Variants in PTPRD observed in about 807,000 individuals in gnomAD.
PTPRD encodes the protein receptor-type tyrosine-protein phosphatase delta.
PTPRD carries 34 observed loss-of-function variants against 214.5 expected under a neutral mutation model. The ratio of observed to expected loss-of-function variants is 0.16; its 90% confidence interval spans 0.12 to 0.21. The LOEUF (loss-of-function observed/expected upper bound fraction) is 0.21. Ranked by LOEUF, PTPRD falls within the 10% of genes least tolerant of loss-of-function variation. The pLI, the probability that PTPRD is intolerant of heterozygous loss-of-function variation, is 1.00. For missense variants in PTPRD, 2,545 were observed against 2,398.7 expected, an observed-to-expected ratio of 1.06 and a Z score of -1.27; for synonymous variants, 1,128 against 845.7, an observed-to-expected ratio of 1.33 and a Z score of -5.79.
intron 4 of PTPRD, among the ~76,000 whole-genome samples, chr9:9,972,597 A>G (rs1299266642): frequency 6.6e-6 from 1 of 152,242 alleles, no homozygotes; most frequent in Non-Finnish European, 1.5e-5. Flanking sequence ...GTAGCTTGAA[A>G]GAACACAAAT....
chr9:9,613,714 C>T (rs1412018116), intron 7 of PTPRD, among the ~76,000 whole-genome samples: 1 of 152,144 alleles, frequency 6.6e-6, no homozygotes, highest in East Asian at 1.9e-4. Flanking sequence ...GTAGCATGGG[C>T]ACCAAGTGAC....
chr9:8,324,957 C>A (rs1587529869), intron 44 of PTPRD, among the ~76,000 whole-genome samples: 1 of 151,650 alleles, frequency 6.6e-6, no homozygotes, highest in African/African-American at 2.4e-5. Context: ...TGTTGTTTTC[C>A]TGTAAATTTG....
At chr9:8,931,355 G>T (rs1449206058) in intron 11 of PTPRD, among the ~76,000 whole-genome samples, 1 of 151,980 alleles carries the variant, frequency 6.6e-6, no homozygotes. Flanking sequence ...TGCTGTTTTG[G>T]TTTCTCTAGC....
chr9:10,303,543 A>C (rs1040720684), intron 3 of PTPRD, among the ~76,000 whole-genome samples: 1 of 152,178 alleles, frequency 6.6e-6, no homozygotes. Flanking sequence ...AAAAGAGAGA[A>C]GGATCAAATA....
chr9:9,808,792 T>C (rs924288974), intron 5 of PTPRD, among the ~76,000 whole-genome samples: 1 of 152,110 alleles, frequency 6.6e-6, no homozygotes, highest in Non-Finnish European at 1.5e-5. Context: ...TTAATTTAGA[T>C]ACTGGGTCTT....
chr9:8,392,177 G>C (rs752837870), intron 36 of PTPRD, among the ~76,000 whole-genome samples: 22 of 151,968 alleles, frequency 1.4e-4, no homozygotes, highest in Non-Finnish European at 2.8e-4. Context: ...TTGAGCCCAG[G>C]AGTCTGAGCC....
intron 8 of PTPRD, among the ~76,000 whole-genome samples, chr9:9,566,080 C>G (rs1038864445): frequency 7.9e-5 from 12 of 151,490 alleles, no homozygotes; most frequent in African/African-American, 2.7e-4. Context: ...CTTTTTTATT[C>G]CTGCACATTT....
At chr9:8,642,629 G>C (rs1238577194) in intron 12 of PTPRD, among the ~76,000 whole-genome samples, 1 of 152,090 alleles carries the variant, frequency 6.6e-6, no homozygotes. Context: ...TTGGGGTCTG[G>C]TGGGAAATGC....
intron 33 of PTPRD, among the ~76,000 whole-genome samples, chr9:8,450,320 G>A (rs964613383): frequency 6.6e-6 from 1 of 152,044 alleles, no homozygotes; most frequent in African/African-American, 2.4e-5. Flanking sequence ...AGTAGATGCC[G>A]TAGATTTTCC....
intron 3 of PTPRD, among the ~76,000 whole-genome samples, chr9:10,091,921 T>G (rs780638605): frequency 1.3e-5 from 2 of 151,360 alleles, no homozygotes; most frequent in Admixed American, 6.6e-5. Context: ...AAAGGACGAC[T>G]CCAGATGACC....
At chr9:9,029,797 G>T (rs546109005) in intron 10 of PTPRD, among the ~76,000 whole-genome samples, 2 of 151,988 alleles carry the variant, frequency 1.3e-5, no homozygotes, top group East Asian at 1.9e-4. Context: ...ATATAATGGT[G>T]GGACATCCAG....
At chr9:10,231,782 A>T (rs1388559553) in intron 3 of PTPRD, among the ~76,000 whole-genome samples, 1 of 151,838 alleles carries the variant, frequency 6.6e-6, no homozygotes, top group Non-Finnish European at 1.5e-5. Context: ...TCCCCACCAA[A>T]GCTCATGTTT....
intron 2 of PTPRD, among the ~76,000 whole-genome samples, chr9:10,459,427 T>G (rs745514126): frequency 2.6e-5 from 4 of 152,168 alleles, no homozygotes; most frequent in Non-Finnish European, 4.4e-5. Flanking sequence ...GTAATGGGAT[T>G]GCTGGGTCAA....
intron 8 of PTPRD, among the ~76,000 whole-genome samples, chr9:9,502,154 C>T (rs1056348049): frequency 2.6e-5 from 4 of 151,774 alleles, no homozygotes; most frequent in Non-Finnish European, 4.4e-5. Flanking sequence ...ATCCTTTTAG[C>T]ATATTTTTAT....
At chr9:9,757,651 G>A (rs185313256) in intron 6 of PTPRD, among the ~76,000 whole-genome samples, 3 of 152,110 alleles carry the variant, frequency 2.0e-5, no homozygotes, top group Non-Finnish European at 2.9e-5. Context: ...TTCATAGAAA[G>A]GATGTGGGGT....
intron 3 of PTPRD, among the ~76,000 whole-genome samples, chr9:10,104,356 A>T (rs1378909706): frequency 1.3e-5 from 2 of 151,796 alleles, no homozygotes; most frequent in Non-Finnish European, 2.9e-5. Context: ...AATTAAAAAA[A>T]GAATTTAATG....
chr9:8,331,705 T>C lies in PTPRD; in HGVS notation c.5411A>G (p.Gln1804Arg). 6.2e-7 allele frequency: 1 copy of C among 1,613,204 alleles called. No individual in the cohort carries two copies. Among genetic ancestry groups the C allele is most frequent in the Non-Finnish European group, 8.5e-7 (1 of 1,179,614 alleles). The change falls in exon 44 of 46, where the codon CAG (glutamine) becomes CGG (arginine). Residue 1804 changes from glutamine (Q) to arginine (R), a missense_variant. By Grantham distance (43) the Gln-to-Arg change is conservative (BLOSUM62 1). Coordinates refer to ENST00000381196, the MANE Select transcript of PTPRD (RefSeq NM_002839.4). ...TCCTTGCTCTGGCCAGTCAGTGAAC[T>C]GGAACTGCCTTACTGTTCGGGACTG... Reference protein sequence around the residue: ...DGQSRTVRQFQFTDWPEQGVP... With the variant: ...DGQSRTVRQFRFTDWPEQGVP...
intron 5 of PTPRD, among the ~76,000 whole-genome samples, chr9:9,933,876 A>G (rs1286810029): frequency 6.7e-6 from 1 of 148,858 alleles, no homozygotes; most frequent in Non-Finnish European, 1.5e-5. Context: ...ATAACAAACT[A>G]TCTCTCAGAC....
At chr9:10,515,867 A>C (rs2049915834) in intron 2 of PTPRD, among the ~76,000 whole-genome samples, 1 of 151,940 alleles carries the variant, frequency 6.6e-6, no homozygotes, top group Non-Finnish European at 1.5e-5. Context: ...TTTACCTAGC[A>C]TAATATCCTC....
Sources: allele counts gnomAD v4.1 joint callset (sites outside exome capture counted in the v4.1 genomes callset), GRCh38; gene constraint gnomAD v4.1.1; transcripts MANE v1.5; gene names NCBI Gene and HGNC (gene_info 2026-07-23, HGNC 2026-07-21).